Variants in KATNAL1 observed in about 807,000 individuals in gnomAD.
KATNAL1 encodes katanin catalytic subunit A1 like 1, also known as katanin p60 ATPase-containing subunit A-like 1.
KATNAL1 carries 32 observed loss-of-function variants against 55.2 expected under a neutral mutation model. That is an observed-to-expected ratio of 0.58 (90% CI 0.44 to 0.78). KATNAL1 has a LOEUF of 0.78. Among genes scored for constraint, KATNAL1 ranks in the 30% least tolerant of loss-of-function variants. KATNAL1 has a pLI of 0.00. For synonymous variants in KATNAL1, 193 were observed against 193.6 expected (o/e 1.00, Z 0.02); for missense variants, 466 against 600.9 (o/e 0.78, Z 2.35).
At chr13:30,212,698 A>C (rs1396219891) in intron 9 of KATNAL1, among the ~76,000 whole-genome samples, 1 of 152,262 alleles carries the variant, frequency 6.6e-6, no homozygotes, top group Non-Finnish European at 1.5e-5. Context: ...TACATGTATG[A>C]AAATGTTCAC....
intron 3 of KATNAL1, among the ~76,000 whole-genome samples, chr13:30,272,280 C>T (rs1011451485): frequency 6.6e-6 from 1 of 152,120 alleles, no homozygotes; most frequent in Non-Finnish European, 1.5e-5. Context: ...CGCCTGTAAT[C>T]CCAGCTACTC....
At chr13:30,292,716 T>A (rs1023917303) in intron 1 of KATNAL1, among the ~76,000 whole-genome samples, 1 of 152,160 alleles carries the variant, frequency 6.6e-6, no homozygotes, top group African/African-American at 2.4e-5. Flanking sequence ...CTTTTTTCAC[T>A]CTCTTACCTT....
chr13:30,249,955 T>C (rs1327827015), intron 4 of KATNAL1, among the ~76,000 whole-genome samples: 2 of 152,226 alleles, frequency 1.3e-5, no homozygotes, highest in Non-Finnish European at 2.9e-5. Context: ...TTTGAATAAG[T>C]TGTATTTTTA....
chr13:30,300,072 C>T (rs1882764707), intron 1 of KATNAL1, among the ~76,000 whole-genome samples: 1 of 152,140 alleles, frequency 6.6e-6, no homozygotes, highest in Admixed American at 6.5e-5. Context: ...GAAAAGCTAG[C>T]TTGTATCCAG....
chr13:30,291,122 G>C (rs568196643), intron 1 of KATNAL1, among the ~76,000 whole-genome samples: 6 of 152,124 alleles, frequency 3.9e-5, no homozygotes. Context: ...AAAAATAAAA[G>C]GCATGCAGAT....
At chr13:30,248,888 T>A (rs1197688756) in intron 4 of KATNAL1, among the ~76,000 whole-genome samples, 1 of 152,072 alleles carries the variant, frequency 6.6e-6, no homozygotes, top group Non-Finnish European at 1.5e-5. Flanking sequence ...TGAAACCCCA[T>A]CTCTACCAAA....
chr13:30,215,712 G>A (rs1874153284), intron 9 of KATNAL1, among the ~76,000 whole-genome samples: 1 of 151,982 alleles, frequency 6.6e-6, no homozygotes. Flanking sequence ...ACTCATAGGT[G>A]GGAATTGAAC....
At chr13:30,305,537 T>C (rs1883123820) in intron 1 of KATNAL1, among the ~76,000 whole-genome samples, 1 of 152,226 alleles carries the variant, frequency 6.6e-6, no homozygotes, top group African/African-American at 2.4e-5. Context: ...TGGGCTGAAA[T>C]CCCAGGTTCA....
intron 4 of KATNAL1, among the ~76,000 whole-genome samples, chr13:30,250,526 T>C (rs140063401): frequency 6.6e-6 from 1 of 152,310 alleles, no homozygotes; most frequent in Non-Finnish European, 1.5e-5. Flanking sequence ...TCAGTAGAAA[T>C]ATTTTCTATG....
chr13:30,238,936 G>A (rs902849700), intron 6 of KATNAL1, among the ~76,000 whole-genome samples: 20 of 152,052 alleles, frequency 1.3e-4, no homozygotes, highest in African/African-American at 4.6e-4. Context: ...ATTTTCTAAA[G>A]GTCTATTATG....
Position 30,208,404 on chromosome 13 carries a change from G to C in KATNAL1, c.*136C>G. 5 of 653,502 alleles carry C rather than the reference G, an allele frequency of 7.7e-6. No individual in the cohort carries two copies. The South Asian group carries it at 9.0e-5, about 12-fold the overall frequency. The allele number at this position is 653,502 out of a possible 1,614,324, so 40.5% of individuals were successfully genotyped here. ...TTCTCAACTACATTTAGTATTCTTC[G>C]CAGTTTTAGATTTTTTTTTCCTTTA... On this transcript the variant is annotated 3_prime_UTR_variant, in exon 11 of 11. Coordinates refer to ENST00000380615, the MANE Select transcript of KATNAL1 (RefSeq NM_032116.5).
At chr13:30,277,947 C>T (rs1388975769) in intron 3 of KATNAL1, among the ~76,000 whole-genome samples, 1 of 130,384 alleles carries the variant, frequency 7.7e-6, no homozygotes, top group African/African-American at 3.0e-5. Context: ...TGCGCCACTG[C>T]ACTCCAGCCT....
chr13:30,270,595 T>C (rs1375127158), intron 3 of KATNAL1, among the ~76,000 whole-genome samples: 18 of 152,148 alleles, frequency 1.2e-4, no homozygotes, highest in African/African-American at 4.3e-4. Context: ...TCTTATCCTG[T>C]TGATCTGTGA....
intron 3 of KATNAL1, among the ~76,000 whole-genome samples, chr13:30,274,163 C>T (rs1157176523): frequency 6.6e-6 from 1 of 152,208 alleles, no homozygotes; most frequent in Non-Finnish European, 1.5e-5. Flanking sequence ...AGTAGTGGAA[C>T]TGATAGAAAA....
chr13:30,240,890 T>A, intron 5 of KATNAL1, 69 bp downstream of exon 5: 2 of 1,414,742 alleles, frequency 1.4e-6, no homozygotes, highest in Non-Finnish European at 1.9e-6. Flanking sequence ...AAGAGAAAAC[T>A]CACACACCAA....
chr13:30,302,611 C>G (rs540579585), intron 1 of KATNAL1, among the ~76,000 whole-genome samples: 1 of 152,084 alleles, frequency 6.6e-6, no homozygotes, highest in African/African-American at 2.4e-5. Flanking sequence ...TGAAATACAG[C>G]AAATGAAGTT....
chr13:30,204,109 A>G lies in KATNAL1; in HGVS notation c.*4431T>C, dbSNP rs951265390. The stretch of plus-strand genomic sequence containing the variant: ...TCAGGTTCACACAAATATTACGTGC[A>G]TCACAAATTAAGTGGTTTCTTTAAA... On this transcript the variant is annotated 3_prime_UTR_variant, in exon 11 of 11. Transcript: ENST00000380615. 3.3e-5 allele frequency: 5 copies of G among 152,168 alleles called. No individual in the cohort carries two copies. The highest frequency in any genetic ancestry group is 1.2e-4 in the African/African-American group (5 of 41,428). The allele number at this position is 152,168 out of a possible 1,614,324, so 9.4% of individuals were successfully genotyped here. A position where few individuals can be genotyped will look rare whatever the true frequency, so the allele number is the denominator to read the frequency against.
intron 5 of KATNAL1, 77 bp downstream of exon 5, chr13:30,240,882 G>A (rs1308236568): frequency 5.3e-6 from 7 of 1,319,040 alleles, no homozygotes; most frequent in Non-Finnish European, 7.4e-6. Context: ...TGAATAACAA[G>A]AGAAAACTCA....
At chr13:30,214,920 A>C (rs1202373125) in intron 9 of KATNAL1, among the ~76,000 whole-genome samples, 2 of 151,956 alleles carry the variant, frequency 1.3e-5, no homozygotes, top group Admixed American at 1.3e-4. Flanking sequence ...AAAATTGACA[A>C]ATGGGATCTA....
Sources: allele counts gnomAD v4.1 joint callset (sites outside exome capture counted in the v4.1 genomes callset), GRCh38; gene constraint gnomAD v4.1.1; transcripts MANE v1.5; gene names NCBI Gene and HGNC (gene_info 2026-07-23, HGNC 2026-07-21).